Variants in ZRANB3 observed in about 807,000 individuals in gnomAD.
The protein encoded by ZRANB3 is DNA annealing helicase and endonuclease ZRANB3.
A neutral mutation model predicts 133.8 loss-of-function variants in ZRANB3; 125 were observed. That is an observed-to-expected ratio of 0.93 (90% CI 0.81 to 1.08). The LOEUF (loss-of-function observed/expected upper bound fraction) is 1.08. ZRANB3 is among the 50% of genes least tolerant of loss of function. The probability of loss-of-function intolerance (pLI) is 0.00; values close to 1 mark genes in which losing one functional copy is unlikely to be tolerated. For synonymous variants in ZRANB3, 387 were observed against 432.7 expected, an observed-to-expected ratio of 0.89 and a Z score of 1.31; for missense variants, 1,229 against 1,275.5, an observed-to-expected ratio of 0.96 and a Z score of 0.56.
intron 2 of ZRANB3, among the ~76,000 whole-genome samples, chr2:135,465,499 G>T (rs1360897318): frequency 6.6e-6 from 1 of 152,120 alleles, no homozygotes; most frequent in Non-Finnish European, 1.5e-5. Flanking sequence ...AAAAGTACAA[G>T]TCTAAGTTAT....
intron 2 of ZRANB3, among the ~76,000 whole-genome samples, chr2:135,402,701 T>A (rs1272909652): frequency 1.3e-5 from 2 of 151,940 alleles, no homozygotes; most frequent in Non-Finnish European, 1.5e-5. Flanking sequence ...ATTCTCCTGC[T>A]CAGCCTCCTG....
intron 12 of ZRANB3, 53 bp downstream of exon 12, chr2:135,265,481 T>C: frequency 6.6e-7 from 1 of 1,511,962 alleles, no homozygotes; most frequent in East Asian, 2.3e-5. Context: ...CATACAAAGT[T>C]ATAGTTTCAG....
intron 2 of ZRANB3, among the ~76,000 whole-genome samples, chr2:135,460,655 C>G (rs973099987): frequency 5.3e-5 from 8 of 152,010 alleles, no homozygotes; most frequent in Non-Finnish European, 8.8e-5. Context: ...CATGATGAAA[C>G]TGCATAAAAT....
Position 135,207,796 on chromosome 2 carries a change from G to C in ZRANB3, c.2647C>G (p.Pro883Ala). The change falls in exon 19 of 21, where the codon CCA becomes GCA. Residue 883 changes from proline (P) to alanine (A), a missense_variant. Coordinates refer to ENST00000264159, the MANE Select transcript of ZRANB3 (RefSeq NM_032143.4). ...GTGAGATCTGCCTGGACTGTGTATG[G>C]ATTTAGAAATGGGACACAGGCTCCA... ...EDGACVPFLN[P>A]YTVQADLTVK... 6.2e-7 allele frequency: 1 copy of C among 1,601,660 alleles called. No individual in the cohort carries two copies. Among genetic ancestry groups the C allele is most frequent in the Non-Finnish European group, 8.6e-7 (1 of 1,169,536 alleles).
chr2:135,526,336 G>GT (rs1236533371), intron 1 of ZRANB3, among the ~76,000 whole-genome samples: 1 of 151,818 alleles, frequency 6.6e-6, no homozygotes, highest in African/African-American at 2.4e-5. Flanking sequence ...GCTAATTTTT[G>GT]TATTTTGAGT....
At chr2:135,335,246 T>C (rs1684317253) in intron 6 of ZRANB3, among the ~76,000 whole-genome samples, 1 of 152,040 alleles carries the variant, frequency 6.6e-6, no homozygotes, top group Non-Finnish European at 1.5e-5. Context: ...CAATGACAAA[T>C]AACATTTTAA....
At chr2:135,296,184 G>T (rs974614390) in intron 8 of ZRANB3, among the ~76,000 whole-genome samples, 1 of 152,148 alleles carries the variant, frequency 6.6e-6, no homozygotes, top group Non-Finnish European at 1.5e-5. Flanking sequence ...TTCCAACTTG[G>T]TTCCATTCTC....
At chr2:135,530,894 A>G (rs1053575079) in intron 1 of ZRANB3, among the ~76,000 whole-genome samples, 3 of 152,162 alleles carry the variant, frequency 2.0e-5, no homozygotes, top group African/African-American at 7.2e-5. Context: ...TGAGTAGGGG[A>G]AAAGCATGTT....
chr2:135,384,972 T>C (rs1054697114), intron 3 of ZRANB3, among the ~76,000 whole-genome samples: 3 of 152,098 alleles, frequency 2.0e-5, no homozygotes, highest in East Asian at 1.9e-4. Context: ...CTATTCAACA[T>C]AGTGTTGGAA....
At position 135,275,767 on chromosome 2, in the gene ZRANB3, A is replaced by C; in HGVS notation, c.967-12T>G. On this transcript the variant is annotated splice_polypyrimidine_tract_variant and intron_variant, in intron 8 of 20. Coordinates refer to ENST00000264159, the MANE Select transcript of ZRANB3 (RefSeq NM_032143.4). ...TTTACAGCACCTGCCTAAATATTAA[A>C]AGGTAAACCTTATTAGTGTCATAAA... The C allele has an allele frequency of 6.5e-7, 1 of 1,529,676 alleles. No homozygotes were observed. Among genetic ancestry groups the C allele is most frequent in the South Asian group, 1.3e-5 (1 of 77,590 alleles). 94.8% of individuals were successfully genotyped at this position (1,529,676 alleles called of 1,614,324 possible).
At chr2:135,514,019 T>C (rs1322168598) in intron 1 of ZRANB3, among the ~76,000 whole-genome samples, 2 of 152,238 alleles carry the variant, frequency 1.3e-5, no homozygotes, top group Non-Finnish European at 2.9e-5. Flanking sequence ...AACAGTACCA[T>C]GCTGCTTTGG....
intron 2 of ZRANB3, among the ~76,000 whole-genome samples, chr2:135,419,816 C>T (rs1449243446): frequency 2.0e-5 from 3 of 151,190 alleles, no homozygotes; most frequent in Admixed American, 2.0e-4. Context: ...GGTTGGATGG[C>T]CTTTGTGCAA....
chr2:135,358,742 T>C (rs369000809), intron 3 of ZRANB3, among the ~76,000 whole-genome samples: 3 of 152,224 alleles, frequency 2.0e-5, no homozygotes, highest in African/African-American at 7.2e-5. Context: ...GAATAAGCAA[T>C]GGAAGCAAAC....
At chr2:135,483,932 T>G (rs1323136180) in intron 2 of ZRANB3, among the ~76,000 whole-genome samples, 1 of 152,186 alleles carries the variant, frequency 6.6e-6, no homozygotes, top group Non-Finnish European at 1.5e-5. Flanking sequence ...TTGAGTGAGA[T>G]TCTTAATCCT....
At chr2:135,357,620 C>A (rs1224063798) in intron 3 of ZRANB3, among the ~76,000 whole-genome samples, 1 of 152,122 alleles carries the variant, frequency 6.6e-6, no homozygotes, top group Non-Finnish European at 1.5e-5. Context: ...CCATGTTGAC[C>A]AGGTTGTTCT....
In ZRANB3 at chr2:135,475,993, G is replaced by A. The variant is rs539339804; in HGVS notation, c.161+28336C>T. Among the ~76,000 whole-genome samples, 71 of 152,170 alleles carry A rather than the reference G, an allele frequency of 4.7e-4. No homozygotes were observed. The South Asian group carries it at 9.7e-3, about 21-fold the overall frequency. ...CTCGGGAGGCTGAGGCAAGAGAATC[G>A]TTTGAACCCGGGAGGCGGAGGTTGC... On this transcript the variant is annotated intron_variant, in intron 2 of 20. Transcript: ENST00000264159.
intron 6 of ZRANB3, among the ~76,000 whole-genome samples, chr2:135,336,398 G>T (rs1468439354): frequency 1.3e-5 from 2 of 152,168 alleles, no homozygotes; most frequent in Non-Finnish European, 2.9e-5. Context: ...TTTGCATTCT[G>T]CAAAATTATA....
intron 1 of ZRANB3, among the ~76,000 whole-genome samples, chr2:135,521,342 T>A (rs564821176): frequency 3.2e-4 from 48 of 151,284 alleles, no homozygotes; most frequent in South Asian, 8.4e-4. Context: ...AGGTCAGGAG[T>A]TCAAGACCAG....
chr2:135,250,476 A>G (rs950177890), intron 12 of ZRANB3, among the ~76,000 whole-genome samples: 1 of 152,254 alleles, frequency 6.6e-6, no homozygotes, highest in Admixed American at 6.5e-5. Context: ...TCTCTAGGCC[A>G]TGTCACAGAC....
Sources: gnomAD v4.1 joint callset for allele counts (sites outside exome capture counted in the v4.1 genomes callset) on GRCh38, gnomAD v4.1.1 for gene constraint, MANE v1.5 for transcripts, NCBI Gene and HGNC (gene_info 2026-07-23, HGNC 2026-07-21) for gene names.